The following NELL2 variants were observed in gnomAD, a reference collection of about 807,000 sequenced individuals.
NELL2 encodes neural EGFL like 2.
Under a neutral mutation model 109.6 loss-of-function variants are expected in NELL2, and 41 were observed. The ratio of observed to expected loss-of-function variants is 0.37; its 90% CI spans 0.29 to 0.49. NELL2 has a LOEUF of 0.49. Ranked by LOEUF, NELL2 falls within the 20% of genes least tolerant of loss-of-function variation. NELL2 has a pLI of 0.98. For missense variants in NELL2, 900 were observed against 1,008.3 expected (o/e 0.89, Z 1.45); for synonymous variants, 355 against 344.7 (o/e 1.03, Z -0.33).
At chr12:44,717,812 A>G (rs55876404) in intron 9 of NELL2, among the ~76,000 whole-genome samples, 3,742 of 152,222 alleles carry the variant, frequency 0.025, 143 homozygotes, top group African/African-American at 0.084. Context: ...CCTGCCTTCC[A>G]GTTTCCTGCC....
intron 9 of NELL2, among the ~76,000 whole-genome samples, chr12:44,767,267 A>G (rs1941372116): frequency 6.6e-6 from 1 of 152,192 alleles, no homozygotes; most frequent in African/African-American, 2.4e-5. Flanking sequence ...ATTTCTCATT[A>G]AAAGATCTCC....
chr12:44,919,152 C>A (rs545384548), intron 1 of NELL2, among the ~76,000 whole-genome samples: 11 of 152,046 alleles, frequency 7.2e-5, no homozygotes, highest in Non-Finnish European at 1.6e-4. Flanking sequence ...CCACAAACAT[C>A]CTAAATGATA....
intron 9 of NELL2, among the ~76,000 whole-genome samples, chr12:44,720,320 T>C (rs1436022551): frequency 6.6e-6 from 1 of 152,208 alleles, no homozygotes; most frequent in Non-Finnish European, 1.5e-5. Context: ...AAATTCTCTT[T>C]CAGCTTCCTG....
At chr12:44,792,686 T>C (rs1044715992) in intron 3 of NELL2, among the ~76,000 whole-genome samples, 3 of 152,142 alleles carry the variant, frequency 2.0e-5, no homozygotes, top group African/African-American at 7.2e-5. Flanking sequence ...CGTATAGATC[T>C]GCCAATCAGA....
chr12:44,684,181 T>C (rs1434178528), intron 12 of NELL2, among the ~76,000 whole-genome samples: 2 of 152,242 alleles, frequency 1.3e-5, no homozygotes, highest in Admixed American at 1.3e-4. Flanking sequence ...ATCCATTTCT[T>C]CTAGATTTTC....
Position 44,519,871 on chromosome 12 carries a change from C to T in NELL2, c.2400+134G>A, listed in dbSNP as rs189366511. The T allele has an allele frequency of 9.7e-4, 746 of 765,746 alleles. 3 individuals are homozygous for T. The African/African-American group carries it at 0.012, about 13-fold the overall frequency. 47.4% of individuals were successfully genotyped at this position (765,746 alleles called of 1,614,324 possible). Reference sequence around the variant, plus strand: ...TGGAACTAACAGCTGAGTGGCATTCCGCCCACCTATGTTTGAAAAATAAAC... The same window carrying T: ...TGGAACTAACAGCTGAGTGGCATTCTGCCCACCTATGTTTGAAAAATAAAC... On this transcript the variant is annotated intron_variant, in intron 19 of 19. Coordinates refer to ENST00000429094, the MANE Select transcript of NELL2 (RefSeq NM_001145108.2).
intron 19 of NELL2, among the ~76,000 whole-genome samples, chr12:44,511,073 A>G (rs112295703): frequency 1.2e-4 from 19 of 152,236 alleles, no homozygotes; most frequent in Middle Eastern, 3.4e-3. Context: ...TGGGGAAGAA[A>G]CCATTAATAT....
intron 19 of NELL2, 51 bp from the exon 20 acceptor site, chr12:44,509,035 A>G (rs1565842500): frequency 6.8e-7 from 1 of 1,460,806 alleles, no homozygotes; most frequent in Admixed American, 1.7e-5. Context: ...TTAAGCCATT[A>G]GTAAATGATC....
intron 9 of NELL2, among the ~76,000 whole-genome samples, chr12:44,746,146 T>C (rs1179816324): frequency 6.6e-6 from 1 of 152,126 alleles, no homozygotes; most frequent in African/African-American, 2.4e-5. Flanking sequence ...TAATGCCGCG[T>C]ATCTACAACT....
intron 2 of NELL2, chr12:44,851,575 A>T (rs1226063313): frequency 6.6e-6 from 1 of 152,126 alleles, no homozygotes; most frequent in African/African-American, 2.4e-5. Flanking sequence ...ACTACCAGTA[A>T]TTTTTTTAAT....
intron 15 of NELL2, among the ~76,000 whole-genome samples, chr12:44,599,960 G>GTT (rs35401385): frequency 0.072 from 8,052 of 111,192 alleles, 567 homozygotes; most frequent in Non-Finnish European, 0.099. Flanking sequence ...CTAGAATTCC[G>GTT]TTTTTTTTTT....
chr12:44,830,964 T>C (rs1036152259), intron 2 of NELL2, among the ~76,000 whole-genome samples: 1 of 152,060 alleles, frequency 6.6e-6, no homozygotes, highest in Admixed American at 6.6e-5. Flanking sequence ...ATCTATCACA[T>C]GCTGCCTGCA....
At chr12:44,815,952 T>C in intron 3 of NELL2, 34 bp downstream of exon 3, 4 of 1,591,506 alleles carry the variant, frequency 2.5e-6, no homozygotes, top group Non-Finnish European at 2.6e-6. Flanking sequence ...CCACATATAA[T>C]GAAAACACAG....
chr12:44,615,849 A>T (rs2136261607), intron 13 of NELL2, among the ~76,000 whole-genome samples: 1 of 152,220 alleles, frequency 6.6e-6, no homozygotes, highest in Admixed American at 6.5e-5. Context: ...TCATACTAAA[A>T]CCCACATTTT....
intron 1 of NELL2, among the ~76,000 whole-genome samples, chr12:44,896,346 C>T (rs1056969559): frequency 2.0e-5 from 3 of 152,092 alleles, no homozygotes; most frequent in African/African-American, 7.2e-5. Context: ...TATAGGCTTC[C>T]TTAAATAGCT....
chr12:44,910,616 C>T (rs1945768890), intron 1 of NELL2, among the ~76,000 whole-genome samples: 1 of 151,826 alleles, frequency 6.6e-6, no homozygotes, highest in Non-Finnish European at 1.5e-5. Context: ...GATATATACT[C>T]AAAGGAAAAT....
At chr12:44,515,973 G>A (rs149073105) in intron 19 of NELL2, among the ~76,000 whole-genome samples, 1 of 151,828 alleles carries the variant, frequency 6.6e-6, no homozygotes, top group African/African-American at 2.4e-5. Flanking sequence ...AAGTGAATAT[G>A]TAATTATACA....
At chr12:44,564,399 C>G (rs1450605574) in intron 15 of NELL2, among the ~76,000 whole-genome samples, 1 of 152,150 alleles carries the variant, frequency 6.6e-6, no homozygotes, top group Non-Finnish European at 1.5e-5. Flanking sequence ...GGTATAAATA[C>G]TGTAATAGTC....
At chr12:44,676,049 T>G (rs1948304974) in intron 12 of NELL2, among the ~76,000 whole-genome samples, 1 of 152,118 alleles carries the variant, frequency 6.6e-6, no homozygotes, top group South Asian at 2.1e-4. Context: ...GTAAAAAGAT[T>G]ATATTAGTAT....
Sources: gnomAD v4.1 joint callset for allele counts (sites outside exome capture counted in the v4.1 genomes callset) on GRCh38, gnomAD v4.1.1 for gene constraint, MANE v1.5 for transcripts, NCBI Gene and HGNC (gene_info 2026-07-23, HGNC 2026-07-21) for gene names.